MPP4: variants seen among roughly 807,000 people sequenced by gnomAD.
MPP4 encodes the protein MAGUK p55 scaffold protein 4.
Under a neutral mutation model 98.3 loss-of-function variants are expected in MPP4, and 91 were observed. The ratio of observed to expected loss-of-function variants is 0.93; its 90% CI spans 0.78 to 1.10. The LOEUF (loss-of-function observed/expected upper bound fraction) is 1.10, where lower values mean the gene tolerates loss of function less well. MPP4 is among the 50% of genes least tolerant of loss of function. The probability of loss-of-function intolerance (pLI) is 0.00; values close to 1 mark genes in which losing one functional copy is unlikely to be tolerated. For synonymous variants in MPP4, 261 were observed against 271.8 expected (o/e 0.96, Z 0.39); for missense variants, 744 against 792.9 (o/e 0.94, Z 0.74).
intron 19 of MPP4, 83 bp from the exon 20 acceptor site, chr2:201,649,767 A>G: frequency 1.1e-6 from 1 of 889,060 alleles, no homozygotes; most frequent in Non-Finnish European, 1.8e-6. Context: ...ACTGCACTAG[A>G]GTTGAATATA....
intron 20 of MPP4, among the ~76,000 whole-genome samples, chr2:201,649,008 G>A (rs1263140196): frequency 6.6e-6 from 1 of 152,168 alleles, no homozygotes; most frequent in Non-Finnish European, 1.5e-5. Flanking sequence ...AGGTTGCAGT[G>A]AGCGGAGATC....
intron 4 of MPP4, among the ~76,000 whole-genome samples, chr2:201,689,986 C>T (rs1265552708): frequency 2.6e-5 from 4 of 152,142 alleles, no homozygotes; most frequent in African/African-American, 7.2e-5. Flanking sequence ...TGAACACACG[C>T]TAAAAATGAC....
At chr2:201,680,618 T>C in intron 10 of MPP4, 1 of 497,996 alleles carries the variant, frequency 2.0e-6, no homozygotes, top group East Asian at 3.1e-5. Flanking sequence ...TCCCAAGACT[T>C]TTCCCTGTTT....
At chr2:201,670,753 T>C (rs1331442026) in intron 11 of MPP4, among the ~76,000 whole-genome samples, 2 of 152,186 alleles carry the variant, frequency 1.3e-5, no homozygotes, top group Non-Finnish European at 2.9e-5. Context: ...TCTGATAAGA[T>C]GTTAAGTGGC....
At chr2:201,658,582 C>G in intron 15 of MPP4, 64 bp from the exon 16 acceptor site, 1 of 1,473,586 alleles carries the variant, frequency 6.8e-7, no homozygotes, top group Non-Finnish European at 9.3e-7. Context: ...AGAATAAATT[C>G]ATGAAATCAT....
At chr2:201,683,761 A>G (rs1372599215) in intron 7 of MPP4, among the ~76,000 whole-genome samples, 5 of 151,896 alleles carry the variant, frequency 3.3e-5, no homozygotes, top group Non-Finnish European at 2.9e-5. Context: ...CAAAAAAAAA[A>G]AAAGAAAAGA....
At chr2:201,663,998 T>C in intron 14 of MPP4, 83 bp downstream of exon 14, 2 of 1,022,008 alleles carry the variant, frequency 2.0e-6, no homozygotes, top group South Asian at 3.8e-5. Context: ...ATTTAAACAG[T>C]TATTATAAAT....
At chr2:201,662,360 G>A (rs1158108683) in intron 14 of MPP4, among the ~76,000 whole-genome samples, 1 of 150,516 alleles carries the variant, frequency 6.6e-6, no homozygotes, top group Non-Finnish European at 1.5e-5. Flanking sequence ...AATTAGCTGG[G>A]TGTTGTGGTG....
At chr2:201,664,929 A>G (rs551785687) in intron 13 of MPP4, 3 of 167,140 alleles carry the variant, frequency 1.8e-5, no homozygotes, top group Non-Finnish European at 4.4e-5. Flanking sequence ...GTCACCTCCA[A>G]GATACAGAAT....
At position 201,666,447 on chromosome 2, in the gene MPP4, A is replaced by G. The variant is rs529789672; in HGVS notation, c.1013-75T>C. 8.0e-5 allele frequency: 95 copies of G among 1,185,590 alleles called. No individual in the cohort carries two copies. In the African/African-American group the frequency reaches 1.3e-3, roughly 17 times the overall value. The allele number at this position is 1,185,590 out of a possible 1,614,324, so 73.4% of individuals were successfully genotyped here. A position where few individuals can be genotyped will look rare whatever the true frequency, so the allele number is the denominator to read the frequency against. ...TTAAAAAGAAAATTCCCGGCCAGGCATGGTGGCTCATGCCTGTGATCCCAG... is the reference window on the plus strand; with the variant it reads ...TTAAAAAGAAAATTCCCGGCCAGGCGTGGTGGCTCATGCCTGTGATCCCAG... On this transcript the variant is annotated intron_variant, in intron 12 of 21. Transcript: ENST00000409474.
At chr2:201,651,260 G>T in intron 18 of MPP4, 2 of 985,422 alleles carry the variant, frequency 2.0e-6, no homozygotes, top group Non-Finnish European at 2.4e-6. Flanking sequence ...CTTCAAGGGG[G>T]TCTAAAAGCA....
intron 8 of MPP4, among the ~76,000 whole-genome samples, chr2:201,682,066 G>A (rs1006882027): frequency 5.3e-5 from 8 of 152,230 alleles, no homozygotes; most frequent in Non-Finnish European, 1.0e-4. Context: ...CTCTCAGACC[G>A]GGGGAAGGAA....
chr2:201,647,709 A>G lies in MPP4; in HGVS notation c.1701T>C (p.Tyr567=). 1 of 1,613,822 alleles carries G rather than the reference A, an allele frequency of 6.2e-7. No individual in the cohort carries two copies. Residue 567 remains tyrosine (Y), a synonymous_variant, in exon 21 of 22, where the codon TAT becomes TAC. Transcript: ENST00000409474. ...CTCTTACCTTGAACTTCATGTCCAC[A>G]TAGTAGTCAGTAATAACCTTGGCAT... The part of the protein sequence containing the change: ...RKNAKVITDY[Y]VDMKFKDEDL...
At chr2:201,660,532 G>T (rs76717250) in intron 14 of MPP4, among the ~76,000 whole-genome samples, 186 bp from the exon 15 acceptor site, 124 of 152,300 alleles carry the variant, frequency 8.1e-4, no homozygotes, top group Non-Finnish European at 1.6e-3. Context: ...AAACTGGTTT[G>T]CCCTGACTCT....
At chr2:201,660,689 C>A (rs1687999981) in intron 14 of MPP4, among the ~76,000 whole-genome samples, 1 of 152,018 alleles carries the variant, frequency 6.6e-6, no homozygotes, top group Non-Finnish European at 1.5e-5. Context: ...GAGCCTTCTC[C>A]CTCCTCTCTC....
At chr2:201,654,361 T>C (rs1200547382) in intron 18 of MPP4, among the ~76,000 whole-genome samples, 1 of 152,224 alleles carries the variant, frequency 6.6e-6, no homozygotes, top group Non-Finnish European at 1.5e-5. Flanking sequence ...TATCAATTTT[T>C]AGATAGTAAG....
intron 13 of MPP4, chr2:201,664,473 G>T: frequency 1.3e-6 from 1 of 761,696 alleles, no homozygotes; most frequent in Non-Finnish European, 1.8e-6. Context: ...AGGGCTTGCC[G>T]ATGTAGGAGG....
chr2:201,676,606 T>C (rs1457488335), intron 10 of MPP4, among the ~76,000 whole-genome samples: 1 of 152,070 alleles, frequency 6.6e-6, no homozygotes, highest in Non-Finnish European at 1.5e-5. Context: ...ATCTTAACAG[T>C]ATAAAAAAGT....
chr2:201,683,079 A>C (rs1452658142), intron 7 of MPP4, among the ~76,000 whole-genome samples, 163 bp from the exon 8 acceptor site: 2 of 150,836 alleles, frequency 1.3e-5, no homozygotes, highest in East Asian at 3.9e-4. Flanking sequence ...AACTTACATC[A>C]CCCCCAGAAA....
Sources: gnomAD v4.1 joint callset for allele counts (sites outside exome capture counted in the v4.1 genomes callset) on GRCh38, gnomAD v4.1.1 for gene constraint, MANE v1.5 for transcripts, NCBI Gene and HGNC (gene_info 2026-07-23, HGNC 2026-07-21) for gene names.